Variants in ZNF682 observed in about 807,000 individuals in gnomAD.
The protein encoded by ZNF682 is zinc finger protein 682.
Under a neutral mutation model 36.5 loss-of-function variants are expected in ZNF682, and 29 were observed. The ratio of observed to expected loss-of-function variants is 0.80; its 90% CI spans 0.59 to 1.08. The LOEUF is 1.08. ZNF682 is among the 50% of genes least tolerant of loss of function. The probability of loss-of-function intolerance (pLI) is 0.00; values close to 1 mark genes in which losing one functional copy is unlikely to be tolerated. For missense variants in ZNF682, 561 were observed against 579.7 expected (o/e 0.97, Z 0.33); for synonymous variants, 180 against 197.0 (o/e 0.91, Z 0.72).
At chr19:20,010,977 A>G (rs555291115) in intron 3 of ZNF682, among the ~76,000 whole-genome samples, 1 of 151,970 alleles carries the variant, frequency 6.6e-6, no homozygotes, top group African/African-American at 2.4e-5. Context: ...AGAAAAAAAA[A>G]TTTTTTTAAT....
At chr19:20,028,184 T>C (rs566957313) in intron 1 of ZNF682, among the ~76,000 whole-genome samples, 1 of 152,110 alleles carries the variant, frequency 6.6e-6, no homozygotes, top group African/African-American at 2.4e-5. Context: ...CATCTGGTAT[T>C]TCAAGCCCCA....
At chr19:20,000,353 A>T (rs550136354), downstream of ZNF682, among the ~76,000 whole-genome samples, 1 of 152,330 alleles carries the variant, frequency 6.6e-6, no homozygotes, top group African/African-American at 2.4e-5. Flanking sequence ...TAGCCTTACA[A>T]AGGCTCAAAG....
At chr19:20,010,808 T>C (rs1203441348) in intron 3 of ZNF682, among the ~76,000 whole-genome samples, 1 of 151,046 alleles carries the variant, frequency 6.6e-6, no homozygotes. Flanking sequence ...CTAATAAAAA[T>C]ACAAAAATTA....
In ZNF682 at chr19:20,007,437, ACAT is replaced by A. The variant is rs978956250; in HGVS notation, c.227-165_227-163del. On this transcript the variant is annotated intron_variant, in intron 3 of 3. Coordinates refer to ENST00000397165, the MANE Select transcript of ZNF682 (RefSeq NM_033196.3). ...GAGAGAAAACAAAATGTTGAGTAAA[ACAT>A]CATACTTTAAACAGATCTTTTGAGA... 36 of 618,216 alleles carry A rather than the reference ACAT, an allele frequency of 5.8e-5. No individual in the cohort carries two copies. The African/African-American group carries it at 6.5e-4, about 11-fold the overall frequency. 38.3% of individuals were successfully genotyped at this position (618,216 alleles called of 1,614,324 possible).
chr19:20,003,572 G>A (rs1016118059), downstream of ZNF682, among the ~76,000 whole-genome samples: 1 of 151,958 alleles, frequency 6.6e-6, no homozygotes, highest in Non-Finnish European at 1.5e-5. Context: ...GGGCGTGGTG[G>A]TGGGCACCTG....
At chr19:20,001,380 T>A (rs2088167476), downstream of ZNF682, among the ~76,000 whole-genome samples, 1 of 152,230 alleles carries the variant, frequency 6.6e-6, no homozygotes, top group Non-Finnish European at 1.5e-5. Flanking sequence ...ACTTTACGCA[T>A]GTTCCTGCAA....
Position 20,006,939 on chromosome 19 carries a change from A to G in ZNF682, c.563T>C (p.Leu188Pro), listed in dbSNP as rs1368846386. 1.2e-6 allele frequency: 2 copies of G among 1,613,576 alleles called. No individual in the cohort carries two copies. The highest frequency in any genetic ancestry group is 1.7e-6 in the Non-Finnish European group (2 of 1,179,658). ...AGTGTGAATTATCTTATGATAAGAA[A>G]GGCCTGAGTGAGATTTAAAGACTTT... ...CGKVFKSHSGLSYHKIIHTEE... is the reference protein window; with the variant it reads ...CGKVFKSHSGPSYHKIIHTEE... The change falls in exon 4 of 4, where the codon CTT (leucine) becomes CCT (proline). Residue 188 changes from leucine (L) to proline (P), a missense_variant. By Grantham distance (98) the Leu-to-Pro change is moderately conservative. Transcript: ENST00000397165.
intron 3 of ZNF682, among the ~76,000 whole-genome samples, chr19:20,013,014 C>T (rs1016059743): frequency 6.6e-5 from 10 of 151,978 alleles, no homozygotes; most frequent in African/African-American, 1.9e-4. Context: ...ACTTCCCAAT[C>T]GAAAGACATA....
chr19:20,018,790 A>G (rs1438969048), intron 3 of ZNF682, among the ~76,000 whole-genome samples: 1 of 152,222 alleles, frequency 6.6e-6, no homozygotes, highest in Non-Finnish European at 1.5e-5. Context: ...TATATGGGGG[A>G]AAATATGACA....
intron 1 of ZNF682, among the ~76,000 whole-genome samples, chr19:20,036,327 T>A (rs2088528466): frequency 6.6e-6 from 1 of 152,150 alleles, no homozygotes; most frequent in Non-Finnish European, 1.5e-5. Flanking sequence ...CTATCCTTCG[T>A]GTTTTCTGAG....
intron 3 of ZNF682, among the ~76,000 whole-genome samples, chr19:20,017,231 T>A (rs2088342000): frequency 6.6e-6 from 1 of 152,194 alleles, no homozygotes; most frequent in African/African-American, 2.4e-5. Context: ...CTGGTATTAT[T>A]TTAAATATGA....
At chr19:20,022,675 A>G (rs2088396475) in intron 3 of ZNF682, among the ~76,000 whole-genome samples, 2 of 152,092 alleles carry the variant, frequency 1.3e-5, no homozygotes, top group Admixed American at 1.3e-4. Flanking sequence ...CAAAAAAAAG[A>G]AAAAAATAGT....
chr19:20,015,688 T>C lies in ZNF682; in HGVS notation c.226+7316A>G, dbSNP rs149263806. The stretch of plus-strand genomic sequence containing the variant: ...ACATTTTTGAATCAAGAGCATACAG[T>C]TAGAGCATTAATATTTCACAGAAAC... On this transcript the variant is annotated intron_variant, in intron 3 of 3. Coordinates refer to ENST00000397165, the MANE Select transcript of ZNF682 (RefSeq NM_033196.3). 2.1e-5 allele frequency: 8 copies of C among 389,756 alleles called. No individual in the cohort carries two copies. In the East Asian group the frequency reaches 2.5e-4, roughly 12 times the overall value. The allele number at this position is 389,756 out of a possible 1,614,324, so 24.1% of individuals were successfully genotyped here. A position where few individuals can be genotyped will look rare whatever the true frequency, so the allele number is the denominator to read the frequency against.
chr19:20,024,248 A>G lies in ZNF682; in HGVS notation c.130+2T>C. 6.2e-7 allele frequency: 1 copy of G among 1,613,830 alleles called. No homozygotes were observed. The highest frequency in any genetic ancestry group is 8.5e-7 in the Non-Finnish European group (1 of 1,179,878). On this transcript the variant is annotated splice_donor_variant, in intron 2 of 3. Coordinates refer to ENST00000397165, the MANE Select transcript of ZNF682 (RefSeq NM_033196.3). LOFTEE classifies it high-confidence loss of function. ...GAAATTGTGTATTGAAGTTATTCTCACCCAGAGAGACCAGGTTTCTGTAGT... is the reference window on the plus strand; with the variant it reads ...GAAATTGTGTATTGAAGTTATTCTCGCCCAGAGAGACCAGGTTTCTGTAGT...
intron 3 of ZNF682, among the ~76,000 whole-genome samples, chr19:20,017,337 A>G (rs1291476249): frequency 6.6e-6 from 1 of 152,186 alleles, no homozygotes; most frequent in African/African-American, 2.4e-5. Context: ...AGTTTTAAGG[A>G]GACAAACAGG....
Position 20,007,266 on chromosome 19 carries a change from G to T in ZNF682, c.236C>A (p.Ser79Tyr). 6.2e-7 allele frequency: 1 copy of T among 1,602,488 alleles called. No homozygotes were observed. Reference protein sequence around the residue: ...ETIAKPPAMSSHYTEDLLPEQ... With the variant: ...ETIAKPPAMSYHYTEDLLPEQ... ...TGGCAAAAGGTCTTCAGTGTAATGA[G>T]AAGACATAGCTGAAATATGAAATTA... The change falls in exon 4 of 4, where the codon TCT (serine) becomes TAT (tyrosine). Residue 79 changes from serine (S) to tyrosine (Y), a missense_variant. Physicochemically the swap from Ser to Tyr is moderately radical, Grantham distance 144. Transcript: ENST00000397165.
intron 1 of ZNF682, among the ~76,000 whole-genome samples, chr19:20,034,606 A>C (rs2335891): frequency 0.78 from 118,739 of 151,298 alleles, 46,728 homozygotes; most frequent in Middle Eastern, 0.87. Context: ...TGGTGAAACC[A>C]CCTCTCTACT....
At chr19:20,027,938 A>T (rs931549979) in intron 1 of ZNF682, among the ~76,000 whole-genome samples, 3 of 151,980 alleles carry the variant, frequency 2.0e-5, no homozygotes, top group African/African-American at 7.2e-5. Flanking sequence ...AAAAGGCTGA[A>T]CTCAATTCTC....
At chr19:20,038,219 T>C (rs2088550982) in intron 1 of ZNF682, among the ~76,000 whole-genome samples, 1 of 152,144 alleles carries the variant, frequency 6.6e-6, no homozygotes, top group Admixed American at 6.5e-5. Context: ...TTGGTCTTTT[T>C]TTTTTTCATG....
Sources: allele counts gnomAD v4.1 joint callset (sites outside exome capture counted in the v4.1 genomes callset), GRCh38; gene constraint gnomAD v4.1.1; transcripts MANE v1.5; gene names NCBI Gene and HGNC (gene_info 2026-07-23, HGNC 2026-07-21).